The following ATRNL1 variants were observed in gnomAD, a reference collection of about 807,000 sequenced individuals.
ATRNL1 encodes the protein attractin like 1.
Under a neutral mutation model 182.7 loss-of-function variants are expected in ATRNL1, and 95 were observed. That is an observed-to-expected ratio of 0.52 (90% confidence interval 0.44 to 0.62). The LOEUF is 0.62. Ranked by LOEUF, ATRNL1 falls within the 20% of genes least tolerant of loss-of-function variation. The pLI, the probability that ATRNL1 is intolerant of heterozygous loss-of-function variation, is 0.00. For synonymous variants in ATRNL1, 576 were observed against 568.3 expected, an observed-to-expected ratio of 1.01 and a Z score of -0.19; for missense variants, 1,471 against 1,679.5, an observed-to-expected ratio of 0.88 and a Z score of 2.17.
chr10:115,621,560 C>G (rs995798162), intron 26 of ATRNL1, among the ~76,000 whole-genome samples: 1 of 151,980 alleles, frequency 6.6e-6, no homozygotes, highest in Non-Finnish European at 1.5e-5. Context: ...CCTCAGCTTC[C>G]CATAGTGCTG....
chr10:115,877,272 T>C (rs1234410930), intron 28 of ATRNL1, among the ~76,000 whole-genome samples: 2 of 152,234 alleles, frequency 1.3e-5, no homozygotes, highest in South Asian at 2.1e-4. Context: ...CTCTTTAGAA[T>C]GTAGCCAGCA....
chr10:115,597,468 G>T (rs1565200428), intron 26 of ATRNL1: 2 of 328,750 alleles, frequency 6.1e-6, no homozygotes, highest in South Asian at 2.3e-5. Flanking sequence ...AATTAAAATG[G>T]CAATCGAATA....
intron 22 of ATRNL1, among the ~76,000 whole-genome samples, chr10:115,462,890 A>G (rs1343792829): frequency 1.3e-5 from 2 of 152,048 alleles, no homozygotes; most frequent in African/African-American, 2.4e-5. Context: ...AATAACACAC[A>G]TATTTTGCTA....
At chr10:115,280,282 G>T (rs1459230690) in intron 13 of ATRNL1, among the ~76,000 whole-genome samples, 1 of 152,126 alleles carries the variant, frequency 6.6e-6, no homozygotes, top group Non-Finnish European at 1.5e-5. Context: ...ATCATTTAAG[G>T]ATTTGTGTTT....
intron 21 of ATRNL1, among the ~76,000 whole-genome samples, chr10:115,444,540 GTATAAT>G (rs1846862752): frequency 2.6e-5 from 4 of 151,622 alleles, no homozygotes; most frequent in Middle Eastern, 3.4e-3. Flanking sequence ...TCATATTTCT[GTATAAT>G]TATATTTTTG....
At chr10:115,426,478 G>C (rs575973549) in intron 21 of ATRNL1, among the ~76,000 whole-genome samples, 176 bp downstream of exon 21, 1 of 151,928 alleles carries the variant, frequency 6.6e-6, no homozygotes, top group East Asian at 1.9e-4. Context: ...AATTATATTT[G>C]GTACATTTTT....
chr10:115,112,781 C>T (rs1403018360), intron 1 of ATRNL1, among the ~76,000 whole-genome samples: 3 of 152,152 alleles, frequency 2.0e-5, no homozygotes, highest in African/African-American at 7.2e-5. Flanking sequence ...TCATCTTGTT[C>T]ATTCTCTAAT....
chr10:115,693,792 A>T (rs1946467646), intron 26 of ATRNL1, among the ~76,000 whole-genome samples: 1 of 152,158 alleles, frequency 6.6e-6, no homozygotes, highest in Admixed American at 6.5e-5. Context: ...ATAATGCATT[A>T]TATAAGATAA....
chr10:115,163,419 A>G (rs1177362733), intron 6 of ATRNL1, among the ~76,000 whole-genome samples: 3 of 149,086 alleles, frequency 2.0e-5, no homozygotes, highest in African/African-American at 7.4e-5. Context: ...GCTGGAGTGC[A>G]GTGGCGTGAT....
chr10:115,714,330 G>GAA (rs34155651), intron 26 of ATRNL1, among the ~76,000 whole-genome samples: 70 of 147,424 alleles, frequency 4.7e-4, no homozygotes, highest in South Asian at 1.1e-3. Context: ...TGGGTGAAAA[G>GAA]AAAAAAAAAA....
At chr10:115,772,979 C>T (rs1363228292) in intron 27 of ATRNL1, among the ~76,000 whole-genome samples, 1 of 152,072 alleles carries the variant, frequency 6.6e-6, no homozygotes, top group African/African-American at 2.4e-5. Context: ...AGCCAATAGG[C>T]GGTTTCAATT....
Position 115,616,088 on chromosome 10 carries a change from G to C in ATRNL1, c.3795+66552G>C, listed in dbSNP as rs186005898. ...ATAACCAAAATGATAATAGTGATAT[G>C]GACAGTAAAGGTGAGGCTGATGAGA... On this transcript the variant is annotated intron_variant, in intron 26 of 28. Coordinates refer to ENST00000355044, the MANE Select transcript of ATRNL1 (RefSeq NM_207303.4). Among the ~76,000 whole-genome samples the C allele has an allele frequency of 3.9e-3, 595 of 152,180 alleles. 16 individuals are homozygous for C. Among genetic ancestry groups the C allele is most frequent in the Admixed American group, 0.035 (542 of 15,284 alleles).
chr10:115,352,934 G>T (rs914999449), intron 19 of ATRNL1, among the ~76,000 whole-genome samples: 2 of 152,022 alleles, frequency 1.3e-5, no homozygotes, highest in Admixed American at 1.3e-4. Flanking sequence ...AAACCAACTT[G>T]ATATTATTTT....
At chr10:115,558,782 G>A (rs1346774060) in intron 26 of ATRNL1, among the ~76,000 whole-genome samples, 2 of 151,956 alleles carry the variant, frequency 1.3e-5, no homozygotes, top group Non-Finnish European at 2.9e-5. Flanking sequence ...CTATTTTCCT[G>A]CCTCAAACTT....
chr10:115,474,957 C>G (rs1554972818), intron 24 of ATRNL1, among the ~76,000 whole-genome samples: 2 of 151,194 alleles, frequency 1.3e-5, no homozygotes, highest in African/African-American at 4.8e-5. Context: ...TACCCAAATC[C>G]CCCTAGGTGA....
At chr10:115,806,893 T>C (rs1949931905) in intron 27 of ATRNL1, among the ~76,000 whole-genome samples, 1 of 152,162 alleles carries the variant, frequency 6.6e-6, no homozygotes, top group African/African-American at 2.4e-5. Flanking sequence ...TACACAGGCA[T>C]TAACAGCAAT....
intron 26 of ATRNL1, among the ~76,000 whole-genome samples, chr10:115,568,429 A>G (rs1372379478): frequency 6.6e-6 from 1 of 152,068 alleles, no homozygotes; most frequent in Non-Finnish European, 1.5e-5. Flanking sequence ...TTGCTTTATT[A>G]AAGATTTTAA....
intron 27 of ATRNL1, among the ~76,000 whole-genome samples, chr10:115,831,510 C>A (rs963106223): frequency 1.3e-5 from 2 of 152,006 alleles, no homozygotes; most frequent in Admixed American, 1.3e-4. Flanking sequence ...AGAAAATCCC[C>A]CCAGTGAAAA....
At position 115,502,564 on chromosome 10, in the gene ATRNL1, A is replaced by C. The variant is rs1419995827; in HGVS notation, c.3655-16699A>C. ...TAATTTTTTTTTAATTTTATAAACA[A>C]TTTATAAAATTTTAATCCTGACCAT... On this transcript the variant is annotated intron_variant, in intron 24 of 28. Coordinates refer to ENST00000355044, the MANE Select transcript of ATRNL1 (RefSeq NM_207303.4). Among the ~76,000 whole-genome samples, 5 of 152,164 alleles carry C rather than the reference A, an allele frequency of 3.3e-5. No homozygotes were observed. The South Asian group carries it at 1.0e-3, about 32-fold the overall frequency.
Sources: gnomAD v4.1 joint callset for allele counts (sites outside exome capture counted in the v4.1 genomes callset) on GRCh38, gnomAD v4.1.1 for gene constraint, MANE v1.5 for transcripts, NCBI Gene and HGNC (gene_info 2026-07-23, HGNC 2026-07-21) for gene names.